AOAH: variants seen among roughly 807,000 people sequenced by gnomAD.
AOAH encodes the protein acyloxyacyl hydrolase.
In AOAH, 64 loss-of-function variants were observed where a neutral mutation model predicts 92.2. The ratio of observed to expected loss-of-function variants is 0.69; its 90% CI spans 0.57 to 0.86. The LOEUF is 0.86. Ranked by LOEUF, AOAH falls within the 40% of genes least tolerant of loss-of-function variation. The pLI is 0.00. For missense variants in AOAH, 656 were observed against 694.6 expected (o/e 0.94, Z 0.62); for synonymous variants, 263 against 254.5 (o/e 1.03, Z -0.32).
chr7:36,610,986 A>G (rs905219180), intron 11 of AOAH, among the ~76,000 whole-genome samples: 4 of 152,204 alleles, frequency 2.6e-5, no homozygotes, highest in African/African-American at 2.4e-5. Flanking sequence ...GTGAGAAGAA[A>G]TGATGGTTGT....
At chr7:36,630,879 G>C (rs895192162) in intron 6 of AOAH, among the ~76,000 whole-genome samples, 2 of 152,098 alleles carry the variant, frequency 1.3e-5, no homozygotes, top group Non-Finnish European at 2.9e-5. Flanking sequence ...CCCAGCAGAA[G>C]TTACTTCTTT....
intron 11 of AOAH, among the ~76,000 whole-genome samples, chr7:36,612,123 G>C (rs17170649): frequency 6.6e-6 from 1 of 152,040 alleles, no homozygotes; most frequent in Admixed American, 6.6e-5. Context: ...CCAAGATCTT[G>C]AGCCACAATA....
chr7:36,616,754 G>C (rs534324707), intron 10 of AOAH, among the ~76,000 whole-genome samples: 56 of 152,258 alleles, frequency 3.7e-4, no homozygotes, highest in African/African-American at 1.3e-3. Context: ...ATGAATAAGT[G>C]AATCAAAGCT....
chr7:36,597,919 T>A (rs1461071502), intron 11 of AOAH: 2 of 152,042 alleles, frequency 1.3e-5, no homozygotes, highest in Non-Finnish European at 2.9e-5. Context: ...TCAAGAAAAC[T>A]CCATGATTGG....
intron 16 of AOAH, among the ~76,000 whole-genome samples, chr7:36,533,496 A>G (rs555789767): frequency 6.6e-6 from 1 of 152,240 alleles, no homozygotes; most frequent in African/African-American, 2.4e-5. Flanking sequence ...TATGGCCACT[A>G]AAGTCACAGT....
chr7:36,655,902 G>A (rs536203997), intron 4 of AOAH, among the ~76,000 whole-genome samples: 33 of 152,260 alleles, frequency 2.2e-4, no homozygotes, highest in Non-Finnish European at 2.5e-4. Flanking sequence ...GCAAGTTCAA[G>A]AAAGGAATAT....
intron 2 of AOAH, among the ~76,000 whole-genome samples, chr7:36,684,540 A>G (rs1484967219): frequency 6.6e-6 from 1 of 152,170 alleles, no homozygotes; most frequent in African/African-American, 2.4e-5. Context: ...TAAATAAGAA[A>G]TAATAGATAA....
intron 1 of AOAH, among the ~76,000 whole-genome samples, chr7:36,697,689 A>T (rs965395228): frequency 2.0e-5 from 3 of 152,206 alleles, no homozygotes; most frequent in Non-Finnish European, 4.4e-5. Context: ...GTGCCCTAAA[A>T]TTCATGCCCT....
intron 13 of AOAH, 97 bp downstream of exon 13, chr7:36,576,477 G>T: frequency 1.4e-6 from 1 of 725,502 alleles, no homozygotes; most frequent in Non-Finnish European, 2.2e-6. Flanking sequence ...TTTATTCTGT[G>T]ATCCTTGTTA....
intron 3 of AOAH, among the ~76,000 whole-genome samples, chr7:36,665,069 A>G (rs1038796242): frequency 1.6e-4 from 24 of 152,218 alleles, no homozygotes; most frequent in African/African-American, 5.5e-4. Context: ...GAGAAGTCAC[A>G]TTTCAACATG....
intron 1 of AOAH, among the ~76,000 whole-genome samples, chr7:36,713,998 G>A (rs1377577697): frequency 6.6e-6 from 1 of 152,096 alleles, no homozygotes; most frequent in Non-Finnish European, 1.5e-5. Flanking sequence ...GAAGGAAATA[G>A]AGACACAAAA....
intron 20 of AOAH, among the ~76,000 whole-genome samples, chr7:36,517,156 G>GTCTTCCTTTCTTTCTTTCTT (rs1554360835): frequency 1.0e-5 from 1 of 95,432 alleles, no homozygotes. Flanking sequence ...ATCCATGTTA[G>GTCTTCCTTTCTTTCTTTCTT]TCTTTCTTTC....
intron 1 of AOAH, among the ~76,000 whole-genome samples, chr7:36,688,942 T>A (rs1006385450): frequency 6.6e-6 from 1 of 152,168 alleles, no homozygotes; most frequent in Non-Finnish European, 1.5e-5. Flanking sequence ...TATATATACA[T>A]ACACACACAT....
intron 13 of AOAH, among the ~76,000 whole-genome samples, chr7:36,568,772 C>T (rs1787889785): frequency 6.6e-6 from 1 of 152,218 alleles, no homozygotes; most frequent in African/African-American, 2.4e-5. Context: ...CTTAGCCTTC[C>T]TGACCTGAAT....
chr7:36,722,105 C>G (rs192604684), intron 1 of AOAH, among the ~76,000 whole-genome samples: 2 of 152,232 alleles, frequency 1.3e-5, no homozygotes, highest in East Asian at 3.9e-4. Flanking sequence ...ATCCACCATC[C>G]GAATACCACC....
intron 12 of AOAH, among the ~76,000 whole-genome samples, chr7:36,592,568 T>C (rs149109301): frequency 1.3e-5 from 2 of 152,126 alleles, no homozygotes; most frequent in African/African-American, 4.8e-5. Context: ...CAACACAAAG[T>C]TTGAGAGGCA....
chr7:36,538,048 T>C (rs1785194919), intron 16 of AOAH, among the ~76,000 whole-genome samples: 1 of 150,270 alleles, frequency 6.7e-6, no homozygotes, highest in African/African-American at 2.5e-5. Flanking sequence ...TGTTTGTTTG[T>C]TTGTTTTTCA....
chr7:36,721,317 C>G (rs1206948633), intron 1 of AOAH, among the ~76,000 whole-genome samples: 1 of 152,184 alleles, frequency 6.6e-6, no homozygotes, highest in Non-Finnish European at 1.5e-5. Flanking sequence ...CTCAGTGGGA[C>G]TTCTTTTATG....
chr7:36,676,112 C>G (rs1796242435), intron 2 of AOAH, among the ~76,000 whole-genome samples: 1 of 151,970 alleles, frequency 6.6e-6, no homozygotes, highest in South Asian at 2.1e-4. Context: ...TAAGTTCTAG[C>G]CAGGAGAATG....
Sources: gnomAD v4.1 joint callset for allele counts (sites outside exome capture counted in the v4.1 genomes callset) on GRCh38, gnomAD v4.1.1 for gene constraint, MANE v1.5 for transcripts, NCBI Gene and HGNC (gene_info 2026-07-23, HGNC 2026-07-21) for gene names.